CDC23: variants seen among roughly 807,000 people sequenced by gnomAD.
The protein encoded by CDC23 is cell division cycle protein 23 homolog.
Under a neutral mutation model 81.7 loss-of-function variants are expected in CDC23, and 26 were observed. The observed-to-expected ratio is 0.32, with a 90% confidence interval of 0.23 to 0.44. CDC23 has a LOEUF of 0.44. CDC23 is among the 20% of genes least tolerant of loss of function. The pLI is 1.00. For synonymous variants in CDC23, 267 were observed against 270.8 expected (o/e 0.99, Z 0.14); for missense variants, 519 against 728.0 (o/e 0.71, Z 3.30).
At chr5:138,203,860 C>G (rs942679814) in intron 3 of CDC23, among the ~76,000 whole-genome samples, 4 of 151,826 alleles carry the variant, frequency 2.6e-5, no homozygotes, top group African/African-American at 4.8e-5. Context: ...TTGCAGTGAG[C>G]TGAGATCACA....
In CDC23 at chr5:138,188,985, G is replaced by GT; in HGVS notation, c.1786dup (p.Thr596AsnfsTer17). 1 of 1,613,772 alleles carries GT rather than the reference G, an allele frequency of 6.2e-7. No individual in the cohort carries two copies. The highest frequency in any genetic ancestry group is 8.5e-7 in the Non-Finnish European group (1 of 1,179,794). On this transcript the variant is annotated frameshift_variant, in exon 16 of 16. Coordinates refer to ENST00000394886, the MANE Select transcript of CDC23 (RefSeq NM_004661.4). LOFTEE classifies it high-confidence loss of function. The stretch of plus-strand genomic sequence containing the variant: ...TGGCTTGAGAGTAGCCAACTATGGC[G>GT]TGACAGAAGACAAGTTGAGTGGAGA...
chr5:138,213,184 G>C lies in CDC23; in HGVS notation c.129C>G (p.Thr43=), dbSNP rs1221457294. Residue 43 remains threonine (T), a synonymous_variant, in exon 1 of 16, where the codon ACC becomes ACG. Coordinates refer to ENST00000394886, the MANE Select transcript of CDC23 (RefSeq NM_004661.4). ...KKQLLLIAGL[T]RERGLLHSSK... ...TACTGTGTAGTAGGCCCCGCTCCCG[G>C]GTAAGGCCCGCAATAAGCAGCAGTT... 2.5e-6 allele frequency: 4 copies of C among 1,614,000 alleles called. No individual in the cohort carries two copies. The African/African-American group carries it at 4.0e-5, about 16-fold the overall frequency.
chr5:138,201,930 C>A (rs528597931), intron 4 of CDC23, among the ~76,000 whole-genome samples, 183 bp downstream of exon 4: 1 of 152,276 alleles, frequency 6.6e-6, no homozygotes, highest in Non-Finnish European at 1.5e-5. Flanking sequence ...ACAATACCAA[C>A]CCCAGATTCC....
At chr5:138,202,969 A>C (rs1333259864) in intron 3 of CDC23, among the ~76,000 whole-genome samples, 1 of 152,364 alleles carries the variant, frequency 6.6e-6, no homozygotes, top group African/African-American at 2.4e-5. Context: ...AATAACAGTA[A>C]CTACACAGTG....
intron 9 of CDC23, among the ~76,000 whole-genome samples, chr5:138,196,541 C>T (rs1172427564): frequency 2.6e-5 from 4 of 151,584 alleles, no homozygotes; most frequent in Non-Finnish European, 1.5e-5. Context: ...CCCGCCTTGG[C>T]CTCCCAAAGT....
rs1755066407 is a variant in CDC23 at position 138,207,649 on chromosome 5, T to TG, written c.235-966dup. 2.0e-5 allele frequency among the ~76,000 whole-genome samples: 3 copies of TG among 152,128 alleles called. No homozygotes were observed. The South Asian group carries it at 6.2e-4, about 32-fold the overall frequency. ...TCTATGTTAAAAAAAAATTAGATAA[T>TG]GTCACATTTAAGTTAAAAACATACA... On this transcript the variant is annotated intron_variant, in intron 2 of 15. Coordinates refer to ENST00000394886, the MANE Select transcript of CDC23 (RefSeq NM_004661.4).
At chr5:138,195,183 A>G (rs1754871024) in intron 9 of CDC23, among the ~76,000 whole-genome samples, 1 of 152,018 alleles carries the variant, frequency 6.6e-6, no homozygotes, top group East Asian at 1.9e-4. Flanking sequence ...CAAGCAGCCC[A>G]TTAAACCTTG....
intron 9 of CDC23, 127 bp downstream of exon 9, chr5:138,198,072 G>T (rs17234870): frequency 1.3e-5 from 9 of 678,030 alleles, no homozygotes; most frequent in Admixed American, 1.0e-4. Flanking sequence ...CGATCCTCCC[G>T]CCTCAGTCTC....
chr5:138,200,701 T>C (rs1484153308), intron 6 of CDC23, among the ~76,000 whole-genome samples: 2 of 152,002 alleles, frequency 1.3e-5, no homozygotes, highest in Non-Finnish European at 2.9e-5. Flanking sequence ...GTGCCTGTAG[T>C]CCCAGCTACT....
intron 2 of CDC23, among the ~76,000 whole-genome samples, chr5:138,210,050 C>T (rs1280978833): frequency 6.6e-6 from 1 of 151,676 alleles, no homozygotes; most frequent in Admixed American, 6.6e-5. Flanking sequence ...CTCCTCTCTA[C>T]TAAAAATACA....
intron 6 of CDC23, among the ~76,000 whole-genome samples, chr5:138,199,760 A>T (rs938955707): frequency 1.3e-5 from 2 of 152,228 alleles, no homozygotes; most frequent in Non-Finnish European, 2.9e-5. Context: ...AGGCAAGACA[A>T]GGAATTTGGT....
intron 13 of CDC23, among the ~76,000 whole-genome samples, chr5:138,190,371 T>C (rs1274582664): frequency 6.6e-6 from 1 of 151,520 alleles, no homozygotes; most frequent in African/African-American, 2.4e-5. Context: ...AGCAGGAGAA[T>C]TGCTTTAACT....
intron 9 of CDC23, among the ~76,000 whole-genome samples, chr5:138,196,356 T>C (rs1306711435): frequency 6.6e-6 from 1 of 151,668 alleles, no homozygotes; most frequent in African/African-American, 2.4e-5. Context: ...AGTGGCATGA[T>C]CTTGGCTCAC....
At chr5:138,189,961 TA>T in intron 13 of CDC23, 55 bp from the exon 14 acceptor site, 4 of 1,504,992 alleles carry the variant, frequency 2.7e-6, no homozygotes, top group Non-Finnish European at 3.7e-6. Context: ...AACTTAGTGA[TA>T]AAAAAAGTAA....
At chr5:138,196,650 G>A (rs1469930948) in intron 9 of CDC23, among the ~76,000 whole-genome samples, 8 of 150,032 alleles carry the variant, frequency 5.3e-5, no homozygotes, top group African/African-American at 1.5e-4. Flanking sequence ...GCACGATCTC[G>A]GCTCACTGCA....
At position 138,213,296 on chromosome 5, in the gene CDC23, G is replaced by C; in HGVS notation, c.17C>G (p.Ser6Cys). The change falls in exon 1 of 16, where the codon TCC becomes TGC. Residue 6 changes from serine (S) to cysteine (C), a missense_variant. By Grantham distance (112) the Ser-to-Cys change is moderately radical (BLOSUM62 -1). Around this residue, in one of 4 missense-constraint regions of CDC23, gnomAD observed 126 missense variants for 116.2 expected, o/e 1.08. Transcript: ENST00000394886. ...CGCCGTCACAGCCACCGGGACCATG[G>C]AGGTACTCGCAGCCATTTTCCCGAC... MAAST[S>C]MVPVAVTAAV... 1 of 1,613,732 alleles carries C rather than the reference G, an allele frequency of 6.2e-7. No homozygotes were observed. Among genetic ancestry groups the C allele is most frequent in the Non-Finnish European group, 8.5e-7 (1 of 1,179,850 alleles).
chr5:138,189,226 C>G, intron 15 of CDC23, 78 bp from the exon 16 acceptor site: 1 of 1,360,266 alleles, frequency 7.4e-7, no homozygotes, highest in Non-Finnish European at 1.0e-6. Flanking sequence ...TGCTGTTAAA[C>G]AAGTTCCACA....
At chr5:138,208,841 T>C (rs926791362) in intron 2 of CDC23, among the ~76,000 whole-genome samples, 2 of 152,284 alleles carry the variant, frequency 1.3e-5, no homozygotes, top group Admixed American at 1.3e-4. Flanking sequence ...TGGGCTGCAG[T>C]GTAGTGGCGC....
chr5:138,210,215 C>CA (rs374700363), intron 2 of CDC23, among the ~76,000 whole-genome samples: 3,712 of 113,958 alleles, frequency 0.033, 152 homozygotes, highest in African/African-American at 0.1. Flanking sequence ...GACTCCGTCT[C>CA]AAAAAAAAAA....
Sources: allele counts gnomAD v4.1 joint callset (sites outside exome capture counted in the v4.1 genomes callset), GRCh38; gene constraint gnomAD v4.1.1; regional missense constraint gnomAD v4.1.1; transcripts MANE v1.5; gene names NCBI Gene and HGNC (gene_info 2026-07-23, HGNC 2026-07-21).